NIPAL2: variants seen among roughly 807,000 people sequenced by gnomAD.
The protein encoded by NIPAL2 is NIPA like domain containing 2.
Under a neutral mutation model 48.9 loss-of-function variants are expected in NIPAL2, and 43 were observed. The ratio of observed to expected loss-of-function variants is 0.88; its 90% confidence interval spans 0.69 to 1.13. The LOEUF is 1.13. Among genes scored for constraint, NIPAL2 ranks in the 50% most tolerant of loss-of-function variants. NIPAL2 has a pLI of 0.00. For missense variants in NIPAL2, 446 were observed against 461.4 expected, an observed-to-expected ratio of 0.97 and a Z score of 0.31; for synonymous variants, 167 against 174.6, an observed-to-expected ratio of 0.96 and a Z score of 0.34.
At chr8:98,220,537 T>C (rs1020779462) in intron 5 of NIPAL2, among the ~76,000 whole-genome samples, 1 of 151,922 alleles carries the variant, frequency 6.6e-6, no homozygotes, top group Non-Finnish European at 1.5e-5. Context: ...ACCTCCCAAG[T>C]AGCTGGGACT....
intron 5 of NIPAL2, among the ~76,000 whole-genome samples, chr8:98,214,209 G>A (rs560754007): frequency 6.6e-6 from 1 of 151,010 alleles, no homozygotes; most frequent in African/African-American, 2.4e-5. Context: ...TGTTGCCCAG[G>A]CTGGAGTGTA....
rs1816192122 is a variant in NIPAL2, at chr8:98,286,787, C to A, written c.135+7216G>T. Among the ~76,000 whole-genome samples, 13 of 148,138 alleles carry A rather than the reference C, an allele frequency of 8.8e-5. No homozygotes were observed. In the Admixed American group the frequency reaches 8.8e-4, roughly 10 times the overall value. ...TCATACAACTGCAACTGCACTCCAG[C>A]CTGAGTGACAGAGTGAGACTCTGTC... On this transcript the variant is annotated intron_variant, in intron 1 of 10. Transcript: ENST00000430223.
chr8:98,252,750 T>A, intron 2 of NIPAL2, 116 bp from the exon 3 acceptor site: 1 of 785,576 alleles, frequency 1.3e-6, no homozygotes, highest in Non-Finnish European at 1.9e-6. Flanking sequence ...TATTTTTGTA[T>A]TTTTTTTTAA....
intron 6 of NIPAL2, among the ~76,000 whole-genome samples, chr8:98,210,699 A>G (rs1811267276): frequency 1.3e-5 from 2 of 152,022 alleles, no homozygotes; most frequent in African/African-American, 4.8e-5. Flanking sequence ...TAACCCCCTT[A>G]TATTTCTGTT....
intron 6 of NIPAL2, among the ~76,000 whole-genome samples, chr8:98,207,286 T>A (rs1811085343): frequency 6.6e-6 from 1 of 152,222 alleles, no homozygotes; most frequent in South Asian, 2.1e-4. Flanking sequence ...TATTGATAGC[T>A]AAACAAACTA....
At chr8:98,207,506 C>T (rs925132314) in intron 6 of NIPAL2, among the ~76,000 whole-genome samples, 11 of 151,822 alleles carry the variant, frequency 7.2e-5, no homozygotes, top group African/African-American at 2.4e-4. Context: ...CTTAGGTAAG[C>T]ACAGAAAAAA....
At chr8:98,248,548 G>T (rs955353599) in intron 3 of NIPAL2, among the ~76,000 whole-genome samples, 3 of 152,190 alleles carry the variant, frequency 2.0e-5, no homozygotes, top group African/African-American at 7.2e-5. Context: ...GCATAAATTG[G>T]TTTTAATAAT....
In NIPAL2 at chr8:98,269,568, A is replaced by G. The variant is rs564797088; in HGVS notation, c.136-15481T>C. On this transcript the variant is annotated intron_variant, in intron 1 of 10. Coordinates refer to ENST00000430223, the MANE Select transcript of NIPAL2 (RefSeq NM_001321635.2). ...TAAAATATTAAGTAAACCATGCCAT[A>G]AACAGATGCGCTGTCATCCAGGCTT... 5.9e-5 allele frequency among the ~76,000 whole-genome samples: 9 copies of G among 152,364 alleles called. No individual in the cohort carries two copies. The South Asian group carries it at 1.9e-3, about 32-fold the overall frequency.
intron 8 of NIPAL2, 39 bp from the exon 9 acceptor site, chr8:98,196,044 T>C: frequency 8.1e-7 from 1 of 1,236,036 alleles, no homozygotes; most frequent in Non-Finnish European, 1.2e-6. Flanking sequence ...GATTTTGAAG[T>C]AAGGTTATTT....
intron 1 of NIPAL2, among the ~76,000 whole-genome samples, chr8:98,282,179 G>T (rs1032457188): frequency 1.3e-5 from 2 of 152,178 alleles, no homozygotes; most frequent in African/African-American, 4.8e-5. Flanking sequence ...GCAAAGGGCA[G>T]GGCAAGTACA....
Position 98,195,634 on chromosome 8 carries a change from G to A in NIPAL2, c.944+308C>T, listed in dbSNP as rs914922341. 9 of 208,882 alleles carry A rather than the reference G, an allele frequency of 4.3e-5. No individual in the cohort carries two copies. The Admixed American group carries it at 4.4e-4, about 10-fold the overall frequency. The allele number at this position is 208,882 out of a possible 1,614,324, so 12.9% of individuals were successfully genotyped here. ...ATCTAATCTAGGGGTTCCCAAGAGC[G>A]AAGTAGGTCTGATACAGTACAGAAA... is the stretch of plus-strand genomic sequence containing the variant. On this transcript the variant is annotated intron_variant, in intron 9 of 10. Transcript: ENST00000430223.
chr8:98,226,537 C>T (rs1812180623), intron 4 of NIPAL2, among the ~76,000 whole-genome samples: 1 of 152,180 alleles, frequency 6.6e-6, no homozygotes, highest in Admixed American at 6.5e-5. Flanking sequence ...CCTGGATTAA[C>T]AGGCAGAGAC....
chr8:98,264,562 C>A (rs1240310715), intron 1 of NIPAL2, among the ~76,000 whole-genome samples: 1 of 150,944 alleles, frequency 6.6e-6, no homozygotes, highest in Non-Finnish European at 1.5e-5. Flanking sequence ...ACCTAGGAAT[C>A]CAACTTACAA....
intron 7 of NIPAL2, among the ~76,000 whole-genome samples, chr8:98,204,022 G>A (rs979264015): frequency 6.6e-6 from 1 of 152,162 alleles, no homozygotes; most frequent in African/African-American, 2.4e-5. Flanking sequence ...AACCAGGGCT[G>A]AGAACCACAG....
Position 98,294,124 on chromosome 8 carries a change from G to C in NIPAL2, c.14C>G (p.Ala5Gly). Residue 5 changes from alanine to glycine, a missense_variant, in exon 1 of 11, where the codon GCG becomes GGG. By Grantham distance (60) the Ala-to-Gly change is moderately conservative. Coordinates refer to ENST00000430223, the MANE Select transcript of NIPAL2 (RefSeq NM_001321635.2). Reference protein sequence around the residue: MAAVAPAGPGDSASA... With the variant: MAAVGPAGPGDSASA... The stretch of plus-strand genomic sequence containing the variant: ...GGCGGAGTCCCCGGGGCCCGCGGGC[G>C]CCACCGCTGCCATGAGGTCTCGCTC... 1 of 1,462,804 alleles carries C rather than the reference G, an allele frequency of 6.8e-7. No homozygotes were observed. The allele number at this position is 1,462,804 out of a possible 1,614,324, so 90.6% of individuals were successfully genotyped here.
intron 1 of NIPAL2, among the ~76,000 whole-genome samples, chr8:98,274,873 A>G (rs1337725978): frequency 3.3e-5 from 5 of 152,028 alleles, no homozygotes; most frequent in African/African-American, 1.2e-4. Context: ...ATATCCTGTT[A>G]GAATTGGTTG....
rs1408499858 is a variant in NIPAL2, at chr8:98,192,381, A to G, written c.*597T>C. On this transcript the variant is annotated 3_prime_UTR_variant, in exon 11 of 11. Transcript: ENST00000430223. ...AGTCAAGGTCTTTTAATTTTGGTGT[A>G]CACTATCACTGAATGCCATTTATAA... 6.6e-6 allele frequency: 1 copy of G among 152,452 alleles called. No individual in the cohort carries two copies. The highest frequency in any genetic ancestry group is 1.5e-5 in the Non-Finnish European group (1 of 68,214). 9.4% of individuals were successfully genotyped at this position (152,452 alleles called of 1,614,324 possible). A position where few individuals can be genotyped will look rare whatever the true frequency, so the allele number is the denominator to read the frequency against.
At chr8:98,199,709 C>A (rs1810717632) in intron 8 of NIPAL2, among the ~76,000 whole-genome samples, 1 of 152,072 alleles carries the variant, frequency 6.6e-6, no homozygotes, top group African/African-American at 2.4e-5. Flanking sequence ...TAAAACGTGA[C>A]ACAGAGATAT....
intron 1 of NIPAL2, among the ~76,000 whole-genome samples, chr8:98,280,761 T>TATATATATATATATATATAG: frequency 8.3e-4 from 25 of 30,016 alleles, no homozygotes; most frequent in Non-Finnish European, 1.2e-3. Flanking sequence ...TATATATATA[T>TATATATATATATATATATAG]AGAGAGAGAG....
Sources: gnomAD v4.1 joint callset for allele counts (sites outside exome capture counted in the v4.1 genomes callset) on GRCh38, gnomAD v4.1.1 for gene constraint, MANE v1.5 for transcripts, NCBI Gene and HGNC (gene_info 2026-07-23, HGNC 2026-07-21) for gene names.